Variants in GSG1L observed in about 807,000 individuals in gnomAD.
GSG1L encodes the protein GSG1 like.
Under a neutral mutation model 42.1 loss-of-function variants are expected in GSG1L, and 24 were observed. That is an observed-to-expected ratio of 0.57 (90% CI 0.41 to 0.80). The LOEUF (loss-of-function observed/expected upper bound fraction) is 0.80. Ranked by LOEUF, GSG1L falls within the 30% of genes least tolerant of loss-of-function variation. The pLI is 0.00. For synonymous variants in GSG1L, 215 were observed against 203.5 expected (o/e 1.06, Z -0.48); for missense variants, 445 against 472.2 (o/e 0.94, Z 0.53).
chr16:28,050,301 C>G (rs537862819), intron 1 of GSG1L, among the ~76,000 whole-genome samples: 2 of 152,302 alleles, frequency 1.3e-5, no homozygotes, highest in South Asian at 4.1e-4. Context: ...CCATCTCAGC[C>G]TCCTCAGTAG....
chr16:28,033,877 C>T (rs562160859), intron 1 of GSG1L, among the ~76,000 whole-genome samples: 1 of 152,228 alleles, frequency 6.6e-6, no homozygotes, highest in Middle Eastern at 3.4e-3. Flanking sequence ...AAGAGAAAAT[C>T]GCACAGTGGA....
intron 4 of GSG1L, among the ~76,000 whole-genome samples, chr16:27,835,930 C>A (rs922616712): frequency 2.6e-5 from 4 of 152,080 alleles, no homozygotes; most frequent in African/African-American, 9.7e-5. Flanking sequence ...GTTTCTCTGT[C>A]CATTTTTCAT....
rs975330644 is a variant in GSG1L at position 27,789,481 on chromosome 16, T to G, written c.*1889A>C. The G allele has an allele frequency of 6.6e-6, 1 of 151,116 alleles. No individual in the cohort carries two copies. The highest frequency in any genetic ancestry group is 1.5e-5 in the Non-Finnish European group (1 of 67,784). The allele number at this position is 151,116 out of a possible 1,614,324, so 9.4% of individuals were successfully genotyped here. A position where few individuals can be genotyped will look rare whatever the true frequency, so the allele number is the denominator to read the frequency against. On this transcript the variant is annotated 3_prime_UTR_variant, in exon 7 of 7. Coordinates refer to ENST00000447459, the MANE Select transcript of GSG1L (RefSeq NM_001109763.2). ...AAAGGATGGATGGATGATGGATAGA[T>G]GGATGAATGGATAGATAGTGGATGG...
chr16:27,892,633 T>C (rs748408470), intron 2 of GSG1L, among the ~76,000 whole-genome samples: 5 of 151,712 alleles, frequency 3.3e-5, no homozygotes, highest in Non-Finnish European at 5.9e-5. Context: ...CTACTAAAAA[T>C]ACAGAAATTA....
At chr16:27,888,750 T>C (rs977038056) in intron 2 of GSG1L, among the ~76,000 whole-genome samples, 1 of 151,636 alleles carries the variant, frequency 6.6e-6, no homozygotes, top group African/African-American at 2.4e-5. Context: ...CCCGAGTAGC[T>C]GGGATTGCAG....
chr16:27,992,884 C>T (rs914014761), intron 1 of GSG1L, among the ~76,000 whole-genome samples: 2 of 152,160 alleles, frequency 1.3e-5, no homozygotes, highest in Non-Finnish European at 2.9e-5. Flanking sequence ...GACCCACATC[C>T]TCCACCTTAT....
At chr16:27,816,708 A>T (rs937473084) in intron 5 of GSG1L, among the ~76,000 whole-genome samples, 22 of 152,134 alleles carry the variant, frequency 1.4e-4, no homozygotes, top group Admixed American at 1.4e-3. Context: ...AGATTTGCAC[A>T]ATGGGCCTTC....
chr16:27,992,195 G>A (rs1271061652), intron 1 of GSG1L, among the ~76,000 whole-genome samples: 5 of 152,162 alleles, frequency 3.3e-5, no homozygotes, highest in African/African-American at 1.2e-4. Flanking sequence ...CTAAAGGCTT[G>A]CTAGATAAAG....
chr16:27,923,808 A>G (rs1374075366), intron 2 of GSG1L, among the ~76,000 whole-genome samples: 1 of 151,806 alleles, frequency 6.6e-6, no homozygotes, highest in African/African-American at 2.4e-5. Flanking sequence ...GAGAGAGAGA[A>G]CGTGCCAGAA....
At chr16:27,900,370 G>A (rs2084242818) in intron 2 of GSG1L, among the ~76,000 whole-genome samples, 1 of 152,226 alleles carries the variant, frequency 6.6e-6, no homozygotes, top group African/African-American at 2.4e-5. Context: ...TGAGGCAGGT[G>A]AAGAAGTTAA....
chr16:28,008,896 C>T (rs1390342532), intron 1 of GSG1L, among the ~76,000 whole-genome samples: 1 of 152,116 alleles, frequency 6.6e-6, no homozygotes, highest in Non-Finnish European at 1.5e-5. Context: ...GCAACCTCTG[C>T]CTCCCAGGTT....
chr16:27,900,931 C>A (rs367611222), intron 2 of GSG1L, among the ~76,000 whole-genome samples: 1 of 151,854 alleles, frequency 6.6e-6, no homozygotes, highest in Non-Finnish European at 1.5e-5. Context: ...AGTTCAAGAC[C>A]AGCCTGGCCA....
intron 2 of GSG1L, among the ~76,000 whole-genome samples, chr16:27,945,076 CAAAAAA>C (rs34265192): frequency 3.4e-5 from 3 of 87,328 alleles, no homozygotes; most frequent in Non-Finnish European, 4.5e-5. Context: ...GACCCTGTCT[CAAAAAA>C]AAAAAAAAAA....
At chr16:27,829,449 G>A (rs535704524) in intron 4 of GSG1L, among the ~76,000 whole-genome samples, 2 of 152,230 alleles carry the variant, frequency 1.3e-5, no homozygotes, top group Non-Finnish European at 2.9e-5. Flanking sequence ...AAGGAGATGG[G>A]GGCAGACACC....
At chr16:28,042,893 G>C (rs748082377) in intron 1 of GSG1L, among the ~76,000 whole-genome samples, 9 of 152,312 alleles carry the variant, frequency 5.9e-5, no homozygotes, top group Non-Finnish European at 1.0e-4. Flanking sequence ...AGGCAGGCTA[G>C]GTGAAGTGGA....
chr16:28,012,663 A>T (rs1015171183), intron 1 of GSG1L, among the ~76,000 whole-genome samples: 3 of 152,076 alleles, frequency 2.0e-5, no homozygotes, highest in African/African-American at 7.2e-5. Flanking sequence ...AGATAGAAGG[A>T]TCACTCAAGG....
intron 1 of GSG1L, among the ~76,000 whole-genome samples, chr16:28,028,892 T>C (rs944987291): frequency 1.3e-5 from 2 of 152,218 alleles, no homozygotes; most frequent in African/African-American, 4.8e-5. Context: ...TGAGGAGGCC[T>C]GGGCTTCAGG....
At chr16:27,939,556 G>A (rs1255310579) in intron 2 of GSG1L, among the ~76,000 whole-genome samples, 1 of 152,212 alleles carries the variant, frequency 6.6e-6, no homozygotes, top group Non-Finnish European at 1.5e-5. Flanking sequence ...ACACTGGTCA[G>A]CAGAGAGGCA....
At chr16:27,959,510 G>GGGGGAGGGAAGGGGA (rs1279068308) in intron 2 of GSG1L, among the ~76,000 whole-genome samples, 1 of 147,020 alleles carries the variant, frequency 6.8e-6, no homozygotes, top group Non-Finnish European at 1.5e-5. Flanking sequence ...CGGGAAGGGA[G>GGGGGAGGGAAGGGGA]GGGGAGGGAA....
Sources: allele counts gnomAD v4.1 joint callset (sites outside exome capture counted in the v4.1 genomes callset), GRCh38; gene constraint gnomAD v4.1.1; transcripts MANE v1.5; gene names NCBI Gene and HGNC (gene_info 2026-07-23, HGNC 2026-07-21).